OLFML2A: variants seen among roughly 807,000 people sequenced by gnomAD.
The protein encoded by OLFML2A is olfactomedin like 2A.
OLFML2A carries 47 observed loss-of-function variants against 60.9 expected under a neutral mutation model. The observed-to-expected ratio is 0.77, with a 90% CI of 0.61 to 0.98. The LOEUF (loss-of-function observed/expected upper bound fraction) is 0.98. OLFML2A is among the 50% of genes least tolerant of loss of function. The pLI is 0.00. For missense variants in OLFML2A, 922 were observed against 879.8 expected (o/e 1.05, Z -0.61); for synonymous variants, 372 against 375.0 (o/e 0.99, Z 0.09).
Position 124,799,320 on chromosome 9 carries a change from G to A in OLFML2A, c.498G>A (p.Val166=), listed in dbSNP as rs1841726174. ...IKANLSRENE[V]VKDSVRHLSE... ...CCAACCTGAGCCGGGAGAATGAGGT[G>A]GTGAAGGACAGCGTGCGCCACCTCA... The change falls in exon 4 of 8, where the codon GTG becomes GTA. Residue 166 remains valine, a synonymous_variant. Coordinates refer to ENST00000373580, the MANE Select transcript of OLFML2A (RefSeq NM_182487.4). 1.2e-6 allele frequency: 2 copies of A among 1,613,006 alleles called. No homozygotes were observed. Among genetic ancestry groups the A allele is most frequent in the Non-Finnish European group, 1.7e-6 (2 of 1,179,294 alleles).
chr9:124,808,530 G>A (rs1174101591), intron 7 of OLFML2A, among the ~76,000 whole-genome samples: 2 of 152,180 alleles, frequency 1.3e-5, no homozygotes, highest in East Asian at 1.9e-4. Flanking sequence ...GCACAGTCTG[G>A]TGGGGGAGGC....
At chr9:124,790,059 G>A (rs1455729434) in intron 2 of OLFML2A, among the ~76,000 whole-genome samples, 1 of 152,206 alleles carries the variant, frequency 6.6e-6, no homozygotes, top group African/African-American at 2.4e-5. Flanking sequence ...TTTAATCCTT[G>A]CTACAACCCT....
chr9:124,777,351 C>G lies in OLFML2A; in HGVS notation c.81C>G (p.Ala27=). 1 of 1,288,136 alleles carries G rather than the reference C, an allele frequency of 7.8e-7. No individual in the cohort carries two copies. Among genetic ancestry groups the G allele is most frequent in the South Asian group, 2.4e-5 (1 of 41,288 alleles). 79.8% of individuals were successfully genotyped at this position (1,288,136 alleles called of 1,614,324 possible). ...VLLLSGRPTR[A]DSKVFGDLDQ... is the part of the protein sequence containing the mutation. ...TGCTGAGCGGCCGCCCCACGCGCGC[C>G]GACAGTAAGGTACGCACGCCCCTCG... is the stretch of plus-strand genomic sequence containing the variant. The change falls in exon 1 of 8, where the codon GCC becomes GCG. Residue 27 remains alanine (A), a synonymous_variant. Transcript: ENST00000373580. The surrounding 1 kb of genome is among the most constrained non-coding windows in gnomAD (Gnocchi z 6.2).
chr9:124,802,281 T>C (rs1420722885), intron 5 of OLFML2A, among the ~76,000 whole-genome samples: 1 of 152,206 alleles, frequency 6.6e-6, no homozygotes, highest in Non-Finnish European at 1.5e-5. Context: ...CTACGGGTTG[T>C]GGTTCTTGAT....
chr9:124,777,917 A>C lies in OLFML2A; in HGVS notation c.90+557A>C, dbSNP rs1411119118. On this transcript the variant is annotated intron_variant, in intron 1 of 7. Transcript: ENST00000373580. This position sits in a 1 kb window ranked among gnomAD's most constrained non-coding sequence, Gnocchi z 6.2. Reference sequence around the variant, plus strand: ...GCTAAGAGGATCTGCTCTGGTGTCAAGCCGACCTGGGTTCAGTCGCACATC... The same window carrying C: ...GCTAAGAGGATCTGCTCTGGTGTCACGCCGACCTGGGTTCAGTCGCACATC... Among the ~76,000 whole-genome samples, 1 of 152,140 alleles carries C rather than the reference A, an allele frequency of 6.6e-6. No homozygotes were observed. The highest frequency in any genetic ancestry group is 1.5e-5 in the Non-Finnish European group (1 of 68,022).
At position 124,810,495 on chromosome 9, in the gene OLFML2A, A is replaced by G; in HGVS notation, c.*83A>G. 7.2e-7 allele frequency: 1 copy of G among 1,381,044 alleles called. No homozygotes were observed. Among genetic ancestry groups the G allele is most frequent in the South Asian group, 1.4e-5 (1 of 70,534 alleles). 85.5% of individuals were successfully genotyped at this position (1,381,044 alleles called of 1,614,324 possible). A position where few individuals can be genotyped will look rare whatever the true frequency, so the allele number is the denominator to read the frequency against. The stretch of plus-strand genomic sequence containing the variant: ...GCTCCTGCAACTGACCCAGTCCGCA[A>G]ATATTTATTGGGGGCCAGCCCAGGG... On this transcript the variant is annotated 3_prime_UTR_variant, in exon 8 of 8. Coordinates refer to ENST00000373580, the MANE Select transcript of OLFML2A (RefSeq NM_182487.4).
intron 2 of OLFML2A, among the ~76,000 whole-genome samples, chr9:124,788,621 A>G (rs1841522997): frequency 6.6e-6 from 1 of 152,100 alleles, no homozygotes; most frequent in African/African-American, 2.4e-5. Context: ...AAAAGAAAAG[A>G]AAAGAAAAGA....
chr9:124,809,816 A>G lies in OLFML2A; in HGVS notation c.1363A>G (p.Ser455Gly). 6.2e-7 allele frequency: 1 copy of G among 1,602,886 alleles called. No homozygotes were observed. Among genetic ancestry groups the G allele is most frequent in the Non-Finnish European group, 8.5e-7 (1 of 1,172,476 alleles). Reference protein sequence around the residue: ...NLENFKQGRWSNMYKLPYNWI... With the variant: ...NLENFKQGRWGNMYKLPYNWI... ...ATCGCCCTCGCCTGCAGGCCGCTGG[A>G]GTAACATGTACAAGCTACCCTACAA... The change falls in exon 8 of 8, where the codon AGT becomes GGT. Residue 455 changes from serine to glycine, a missense_variant. Coordinates refer to ENST00000373580, the MANE Select transcript of OLFML2A (RefSeq NM_182487.4).
intron 1 of OLFML2A, among the ~76,000 whole-genome samples, chr9:124,785,902 C>A (rs1417054559): frequency 6.6e-6 from 1 of 152,050 alleles, no homozygotes; most frequent in Non-Finnish European, 1.5e-5. Flanking sequence ...TCACTTGTGG[C>A]CAGGAGTTCA....
intron 3 of OLFML2A, among the ~76,000 whole-genome samples, chr9:124,798,145 T>C (rs150155280): frequency 1.9e-4 from 29 of 152,396 alleles, no homozygotes; most frequent in African/African-American, 6.5e-4. Context: ...AAGATATTTA[T>C]GTATTATGTA....
chr9:124,780,299 CTCAGTTTCCCCATCTGTGAAAGG>C (rs1841337749), intron 1 of OLFML2A, among the ~76,000 whole-genome samples: 1 of 152,208 alleles, frequency 6.6e-6, no homozygotes, highest in South Asian at 2.1e-4. Context: ...CCATCTCTAC[CTCAGTTTCCCCATCTGTGAAAGG>C]GCTGCCGGTG....
Position 124,814,641 on chromosome 9 carries a change from T to A in OLFML2A, c.*4229T>A, listed in dbSNP as rs919878583. On this transcript the variant is annotated 3_prime_UTR_variant, in exon 8 of 8. Coordinates refer to ENST00000373580, the MANE Select transcript of OLFML2A (RefSeq NM_182487.4). ...CTGTTGGTAGGAATCTTGTAACCAG[T>A]CATGTTTTCTTCCTTGTTTTGGCCG... The A allele has an allele frequency of 6.6e-6, 1 of 152,208 alleles. No homozygotes were observed. Among genetic ancestry groups the A allele is most frequent in the East Asian group, 1.9e-4 (1 of 5,204 alleles). 9.4% of individuals were successfully genotyped at this position (152,208 alleles called of 1,614,324 possible).
chr9:124,814,878 T>A lies in OLFML2A; in HGVS notation c.*4466T>A, dbSNP rs1466477991. 2 of 152,242 alleles carry A rather than the reference T, an allele frequency of 1.3e-5. No individual in the cohort carries two copies. The highest frequency in any genetic ancestry group is 2.9e-5 in the Non-Finnish European group (2 of 68,040). The allele number at this position is 152,242 out of a possible 1,614,324, so 9.4% of individuals were successfully genotyped here. ...TAAAGACATGATCAAAGGTTTGATT[T>A]AAAAGTCTGGACTAAATGCTGTGGT... On this transcript the variant is annotated 3_prime_UTR_variant, in exon 8 of 8. Coordinates refer to ENST00000373580, the MANE Select transcript of OLFML2A (RefSeq NM_182487.4).
intron 4 of OLFML2A, among the ~76,000 whole-genome samples, 161 bp downstream of exon 4, chr9:124,799,652 G>A (rs1841737178): frequency 6.6e-6 from 1 of 152,218 alleles, no homozygotes; most frequent in Non-Finnish European, 1.5e-5. Context: ...TGAGGTGCAG[G>A]GGATACCTGC....
chr9:124,810,736 T>G lies in OLFML2A; in HGVS notation c.*324T>G, dbSNP rs950229643. ...ACCGTCCCTTGCCTAACACCTCAGT[T>G]GTGATCAGGCAGGCTGTGCTCTCAG... On this transcript the variant is annotated 3_prime_UTR_variant, in exon 8 of 8. Coordinates refer to ENST00000373580, the MANE Select transcript of OLFML2A (RefSeq NM_182487.4). 43 of 348,008 alleles carry G rather than the reference T, an allele frequency of 1.2e-4. No homozygotes were observed. In the Admixed American group the frequency reaches 1.6e-3, roughly 13 times the overall value. The allele number at this position is 348,008 out of a possible 1,614,324, so 21.6% of individuals were successfully genotyped here.
rs1309281592 is a variant in OLFML2A, at chr9:124,787,712, C to A, written c.354+474C>A. ...TGGCTGGGATTACAGACGTGCACCA[C>A]CACACCTAGTTAACTTTTGTATTTT... is the stretch of plus-strand genomic sequence containing the variant. On this transcript the variant is annotated intron_variant, in intron 2 of 7. Coordinates refer to ENST00000373580, the MANE Select transcript of OLFML2A (RefSeq NM_182487.4). Among the ~76,000 whole-genome samples, 4 of 151,902 alleles carry A rather than the reference C, an allele frequency of 2.6e-5. No homozygotes were observed. In the East Asian group the frequency reaches 7.8e-4, roughly 30 times the overall value.
chr9:124,801,223 GA>G, intron 4 of OLFML2A, 190 bp from the exon 5 acceptor site: 1 of 887,480 alleles, frequency 1.1e-6, no homozygotes, highest in East Asian at 2.6e-5. Flanking sequence ...GCTGGGTGAG[GA>G]AACTGAGGCA....
intron 3 of OLFML2A, 71 bp downstream of exon 3, chr9:124,795,202 C>A: frequency 1.3e-5 from 11 of 849,044 alleles, no homozygotes; most frequent in Non-Finnish European, 2.1e-5. Context: ...TCCGAAGGGG[C>A]CCCGGCAATC....
Position 124,801,469 on chromosome 9 carries a change from G to T in OLFML2A, c.725G>T (p.Ser242Ile), listed in dbSNP as rs1429168707. ...AGCAAGTATGGCAGTGTGCAGAAAA[G>T]CTTTGCAGACAGAGGCCTCCCAAAA... is the stretch of plus-strand genomic sequence containing the variant. ...DISKYGSVQK[S>I]FADRGLPKPP... is the part of the protein sequence containing the mutation. Residue 242 changes from serine to isoleucine, a missense_variant, in exon 5 of 8, where the codon AGC becomes ATC. By Grantham distance (142) the Ser-to-Ile change is moderately radical (BLOSUM62 -2). Transcript: ENST00000373580. The T allele has an allele frequency of 6.2e-7, 1 of 1,614,128 alleles. No individual in the cohort carries two copies. Among genetic ancestry groups the T allele is most frequent in the Non-Finnish European group, 8.5e-7 (1 of 1,180,012 alleles).
Sources: gnomAD v4.1 joint callset for allele counts (sites outside exome capture counted in the v4.1 genomes callset) on GRCh38, gnomAD v4.1.1 for gene constraint, Gnocchi (gnomAD v3.1) non-coding constraint, MANE v1.5 for transcripts, NCBI Gene and HGNC (gene_info 2026-07-23, HGNC 2026-07-21) for gene names.